TNIK: variants seen among roughly 807,000 people sequenced by gnomAD.
TNIK encodes the protein TRAF2 and NCK interacting kinase.
In TNIK, 49 loss-of-function variants were observed where a neutral mutation model predicts 191.3. The ratio of observed to expected loss-of-function variants is 0.26; its 90% confidence interval spans 0.20 to 0.32. The LOEUF (loss-of-function observed/expected upper bound fraction) is 0.32. Ranked by LOEUF, TNIK falls within the 10% of genes least tolerant of loss-of-function variation. The pLI is 1.00. For synonymous variants in TNIK, 594 were observed against 600.9 expected (o/e 0.99, Z 0.17); for missense variants, 1,155 against 1,702.3 (o/e 0.68, Z 5.66).
At chr3:171,066,809 G>C (rs1399156655) in intron 30 of TNIK, 74 bp from the exon 31 acceptor site, 12 of 1,480,150 alleles carry the variant, frequency 8.1e-6, no homozygotes, top group Middle Eastern at 1.8e-4. Flanking sequence ...TCTAACAACT[G>C]CAAAAAAGAG....
chr3:171,258,403 G>C (rs1193717303), intron 2 of TNIK, among the ~76,000 whole-genome samples: 1 of 152,118 alleles, frequency 6.6e-6, no homozygotes, highest in Non-Finnish European at 1.5e-5. Context: ...GAAAATGCAA[G>C]TAATAAAGGC....
At chr3:171,393,910 A>AT (rs1204566245) in intron 1 of TNIK, among the ~76,000 whole-genome samples, 1 of 152,154 alleles carries the variant, frequency 6.6e-6, no homozygotes, top group African/African-American at 2.4e-5. Context: ...TAAAATACAT[A>AT]TTTTTTCACA....
chr3:171,322,741 A>C (rs556160463), intron 2 of TNIK, among the ~76,000 whole-genome samples: 1 of 152,146 alleles, frequency 6.6e-6, no homozygotes, highest in Non-Finnish European at 1.5e-5. Context: ...CAGGAAAGCT[A>C]TAAGGCTGAT....
chr3:171,216,468 G>A (rs1038391104), intron 3 of TNIK, among the ~76,000 whole-genome samples: 1 of 152,046 alleles, frequency 6.6e-6, no homozygotes, highest in Admixed American at 6.6e-5. Flanking sequence ...AGAAAAATCT[G>A]CATTTCCTAA....
At chr3:171,419,294 A>T (rs1723459470) in intron 1 of TNIK, among the ~76,000 whole-genome samples, 1 of 152,226 alleles carries the variant, frequency 6.6e-6, no homozygotes, top group South Asian at 2.1e-4. Flanking sequence ...GTAAATGTCC[A>T]TAATGGGAAA....
intron 12 of TNIK, among the ~76,000 whole-genome samples, chr3:171,146,719 G>A (rs1188104687): frequency 1.3e-4 from 19 of 151,974 alleles, no homozygotes; most frequent in Non-Finnish European, 2.1e-4. Context: ...GTGAAAACCC[G>A]TCTCTACTAA....
intron 18 of TNIK, among the ~76,000 whole-genome samples, chr3:171,122,404 TGCTGCTTA>T (rs907729419): frequency 1.3e-5 from 2 of 152,176 alleles, no homozygotes; most frequent in African/African-American, 2.4e-5. Context: ...TCTTCCTCAG[TGCTGCTTA>T]GCTGCTTAGC....
chr3:171,224,749 G>A (rs888096795), intron 3 of TNIK, among the ~76,000 whole-genome samples: 4 of 152,106 alleles, frequency 2.6e-5, no homozygotes, highest in African/African-American at 9.7e-5. Context: ...GATGCCGTAG[G>A]TCAATCTAGA....
At chr3:171,162,015 G>A (rs373331944) in intron 10 of TNIK, among the ~76,000 whole-genome samples, 21 of 152,232 alleles carry the variant, frequency 1.4e-4, no homozygotes, top group African/African-American at 5.1e-4. Flanking sequence ...ACTTATTGAT[G>A]GTATTAACCA....
At chr3:171,435,083 T>C (rs533844394) in intron 1 of TNIK, among the ~76,000 whole-genome samples, 2 of 152,330 alleles carry the variant, frequency 1.3e-5, no homozygotes, top group South Asian at 4.1e-4. Flanking sequence ...TCTCCTGGCT[T>C]TCCCCTCATG....
At chr3:171,305,898 A>G (rs1450298567) in intron 2 of TNIK, among the ~76,000 whole-genome samples, 3 of 152,204 alleles carry the variant, frequency 2.0e-5, no homozygotes, top group African/African-American at 7.2e-5. Context: ...TTATTCTACC[A>G]TAAAGACACA....
intron 2 of TNIK, among the ~76,000 whole-genome samples, chr3:171,289,893 C>A (rs1233291583): frequency 1.4e-5 from 2 of 142,530 alleles, no homozygotes; most frequent in Non-Finnish European, 3.0e-5. Flanking sequence ...CAGGGCCAGA[C>A]TCCGTCTCAA....
rs181596528 is a variant in TNIK at position 171,429,831 on chromosome 3, C to A, written c.57+30176G>T. 2.6e-3 allele frequency among the ~76,000 whole-genome samples: 401 copies of A among 152,284 alleles called. 5 individuals carry two copies. Among genetic ancestry groups the A allele is most frequent in the Non-Finnish European group, 2.9e-3 (200 of 68,028 alleles). On this transcript the variant is annotated intron_variant, in intron 1 of 32. Coordinates refer to ENST00000436636, the MANE Select transcript of TNIK (RefSeq NM_015028.4). ...CCTACCTCGCCCCAGAAGCCTTTCA[C>A]ATACATTCTAACCAAGAGTGGTTTG...
At chr3:171,403,611 CAAAAAAAAAAA>C (rs57982642) in intron 1 of TNIK, among the ~76,000 whole-genome samples, 6 of 100,168 alleles carry the variant, frequency 6.0e-5, no homozygotes, top group South Asian at 2.9e-4. Context: ...GACTCCGTAT[CAAAAAAAAAAA>C]AAAAAAAAAA....
chr3:171,279,285 CT>C (rs1247254896), intron 2 of TNIK, among the ~76,000 whole-genome samples: 1 of 152,030 alleles, frequency 6.6e-6, no homozygotes, highest in Non-Finnish European at 1.5e-5. Context: ...TTATAGTTTG[CT>C]TTTTTCTATT....
At chr3:171,293,142 T>C (rs1263428339) in intron 2 of TNIK, among the ~76,000 whole-genome samples, 1 of 152,228 alleles carries the variant, frequency 6.6e-6, no homozygotes, top group African/African-American at 2.4e-5. Context: ...GGTTAGTGTG[T>C]TCAAAGCTTA....
At position 171,140,391 on chromosome 3, in the gene TNIK, A is replaced by C. The variant is rs1311065141; in HGVS notation, c.1332+8T>G. The C allele has an allele frequency of 6.4e-7, 1 of 1,568,146 alleles. No homozygotes were observed. Among genetic ancestry groups the C allele is most frequent in the Non-Finnish European group, 8.6e-7 (1 of 1,157,500 alleles). On this transcript the variant is annotated splice_region_variant and intron_variant, in intron 13 of 32. Transcript: ENST00000436636. ...GGCCATCAGTGGGGCTCCTGGTCCC[A>C]GCTGTACCTGTTCATGCTCCGCACG...
intron 2 of TNIK, among the ~76,000 whole-genome samples, chr3:171,252,722 T>C (rs1262575733): frequency 3.3e-5 from 5 of 152,184 alleles, no homozygotes; most frequent in African/African-American, 9.7e-5. Context: ...CTAGGTTAGT[T>C]TTATCTGTTT....
At chr3:171,079,336 C>G (rs1337009334) in intron 28 of TNIK, among the ~76,000 whole-genome samples, 182 bp downstream of exon 28, 1 of 152,164 alleles carries the variant, frequency 6.6e-6, no homozygotes, top group Non-Finnish European at 1.5e-5. Flanking sequence ...ATTCTGAATG[C>G]ACTCTTTCAA....
Sources: gnomAD v4.1 joint callset for allele counts (sites outside exome capture counted in the v4.1 genomes callset) on GRCh38, gnomAD v4.1.1 for gene constraint, MANE v1.5 for transcripts, NCBI Gene and HGNC (gene_info 2026-07-23, HGNC 2026-07-21) for gene names.